CNBD1: variants seen among roughly 807,000 people sequenced by gnomAD.
The protein encoded by CNBD1 is cyclic nucleotide-binding domain-containing protein 1.
Under a neutral mutation model 54.4 loss-of-function variants are expected in CNBD1, and 71 were observed. That is an observed-to-expected ratio of 1.30 (90% CI 1.08 to 1.59). The LOEUF (loss-of-function observed/expected upper bound fraction) is 1.59. Ranked by LOEUF, CNBD1 falls within the 40% of genes most tolerant of loss-of-function variation. The pLI is 0.00. For missense variants in CNBD1, 659 were observed against 518.0 expected (o/e 1.27, Z -2.64); for synonymous variants, 182 against 170.7 (o/e 1.07, Z -0.51).
chr8:86,993,222 T>A (rs1204694996), intron 4 of CNBD1, among the ~76,000 whole-genome samples: 1 of 150,732 alleles, frequency 6.6e-6, no homozygotes, highest in Admixed American at 6.6e-5. Flanking sequence ...GCTCTCAGAT[T>A]TTTTTTTTTC....
At chr8:87,377,317 A>T (rs201187758) in intron 10 of CNBD1, among the ~76,000 whole-genome samples, 2 of 105,774 alleles carry the variant, frequency 1.9e-5, no homozygotes, top group South Asian at 6.5e-4. Context: ...CACACCCCAC[A>T]ACAGTCCCCA....
intron 8 of CNBD1, among the ~76,000 whole-genome samples, chr8:87,323,728 A>C (rs201614657): frequency 1.5e-5 from 2 of 131,674 alleles, no homozygotes; most frequent in Non-Finnish European, 3.4e-5. Context: ...TTTCTAGATA[A>C]ACAATCATGT....
rs182236831 is a variant in CNBD1, at chr8:87,401,892, C to T, written c.214-26654C>T. Among the ~76,000 whole-genome samples the T allele has an allele frequency of 3.2e-3, 485 of 152,108 alleles. 2 individuals carry two copies. Among genetic ancestry groups the T allele is most frequent in the African/African-American group, 0.011 (453 of 41,536 alleles). ...GGCCTGAATGATATAAGGGCCCTCT[C>T]TTCCTTGTGCACAATTGGCTTAGGA... On this transcript the variant is annotated intron_variant, in intron 2 of 7. Coordinates refer to the CNBD1 transcript ENST00000521593.
chr8:87,107,373 C>T (rs915739008), intron 4 of CNBD1, among the ~76,000 whole-genome samples: 20 of 152,170 alleles, frequency 1.3e-4, no homozygotes, highest in Non-Finnish European at 7.3e-5. Context: ...TTAGGAAGCA[C>T]ATTAATACTT....
chr8:87,013,777 A>G (rs973444123), intron 4 of CNBD1, among the ~76,000 whole-genome samples: 1 of 151,556 alleles, frequency 6.6e-6, no homozygotes, highest in African/African-American at 2.4e-5. Context: ...AAATTCTATA[A>G]TGTTATGTTT....
chr8:87,023,553 G>T (rs1809533474), intron 4 of CNBD1, among the ~76,000 whole-genome samples: 1 of 152,042 alleles, frequency 6.6e-6, no homozygotes, highest in Non-Finnish European at 1.5e-5. Context: ...TTCCTTATCT[G>T]TAGAGACCCT....
At chr8:87,098,646 T>C (rs1042783405) in intron 4 of CNBD1, among the ~76,000 whole-genome samples, 1 of 152,010 alleles carries the variant, frequency 6.6e-6, no homozygotes, top group African/African-American at 2.4e-5. Context: ...AGAAGCCACA[T>C]AGAGTTTGAT....
chr8:87,101,420 A>G (rs1017673596), intron 4 of CNBD1, among the ~76,000 whole-genome samples: 6 of 152,020 alleles, frequency 3.9e-5, no homozygotes, highest in African/African-American at 1.4e-4. Context: ...AAGAGCCAAT[A>G]TCTGAGGAGG....
At chr8:87,137,096 A>ATATTATATTTATATTC (rs1379211084) in intron 4 of CNBD1, among the ~76,000 whole-genome samples, 1 of 91,254 alleles carries the variant, frequency 1.1e-5, no homozygotes, top group African/African-American at 5.4e-5. Context: ...TATTTATATT[A>ATATTATATTTATATTC]TATGTAAATT....
At chr8:87,021,267 A>G (rs1809483028) in intron 4 of CNBD1, among the ~76,000 whole-genome samples, 1 of 151,646 alleles carries the variant, frequency 6.6e-6, no homozygotes. Context: ...TTCATCAATA[A>G]TGTTAAATAT....
intron 2 of CNBD1, among the ~76,000 whole-genome samples, chr8:87,391,743 A>G (rs933449158): frequency 2.8e-4 from 42 of 152,072 alleles, no homozygotes; most frequent in African/African-American, 1.0e-3. Context: ...CAACTCTTAG[A>G]AGAAAATTTA....
intron 4 of CNBD1, among the ~76,000 whole-genome samples, chr8:87,116,238 G>A (rs961215726): frequency 3.7e-5 from 4 of 109,406 alleles, no homozygotes; most frequent in South Asian, 2.9e-4. Context: ...GTCTTGCTTC[G>A]TCACCTAGGC....
At chr8:87,398,944 A>AT (rs1811454735) in intron 2 of CNBD1, among the ~76,000 whole-genome samples, 1 of 151,978 alleles carries the variant, frequency 6.6e-6, no homozygotes, top group Admixed American at 6.6e-5. Context: ...TTAGTGGGAT[A>AT]TTTTTTCTAC....
intron 8 of CNBD1, among the ~76,000 whole-genome samples, chr8:87,301,995 A>T (rs1274057679): frequency 6.6e-6 from 1 of 152,202 alleles, no homozygotes; most frequent in African/African-American, 2.4e-5. Context: ...GGCAGTAATT[A>T]ATAGCTTACC....
chr8:86,917,373 A>G (rs1041133219), intron 3 of CNBD1, among the ~76,000 whole-genome samples: 1 of 152,184 alleles, frequency 6.6e-6, no homozygotes, highest in Non-Finnish European at 1.5e-5. Flanking sequence ...GCTGTACAGG[A>G]AGACCTAAAT....
At chr8:86,935,286 T>C (rs1450660398) in intron 3 of CNBD1, among the ~76,000 whole-genome samples, 2 of 152,144 alleles carry the variant, frequency 1.3e-5, no homozygotes, top group East Asian at 3.9e-4. Flanking sequence ...TCCACCTGCC[T>C]GGTCCTCCCA....
At chr8:87,093,496 A>G (rs528923021) in intron 4 of CNBD1, among the ~76,000 whole-genome samples, 7 of 152,266 alleles carry the variant, frequency 4.6e-5, no homozygotes, top group African/African-American at 1.4e-4. Context: ...GAGGCCTTCA[A>G]CTGATTGGAT....
intron 4 of CNBD1, among the ~76,000 whole-genome samples, chr8:87,136,396 A>AACATCTCAATTAATGT (rs1812227310): frequency 6.7e-6 from 1 of 149,706 alleles, no homozygotes. Flanking sequence ...TGGAAGATAC[A>AACATCTCAATTAATGT]GGTAGATTTT....
Position 87,236,877 on chromosome 8 carries a change from C to G in CNBD1, c.578-42C>G, listed in dbSNP as rs376856009. On this transcript the variant is annotated intron_variant, in intron 5 of 10. Transcript: ENST00000518476. ...TATTAGTCATATCTATATCAAGGAG[C>G]CTGAGCACACAGTATATATTTTTTG... 5.0e-5 allele frequency: 62 copies of G among 1,251,430 alleles called. No homozygotes were observed. In the African/African-American group the frequency reaches 5.9e-4, roughly 12 times the overall value. 77.5% of individuals were successfully genotyped at this position (1,251,430 alleles called of 1,614,324 possible). A position where few individuals can be genotyped will look rare whatever the true frequency, so the allele number is the denominator to read the frequency against.
Sources: allele counts gnomAD v4.1 joint callset (sites outside exome capture counted in the v4.1 genomes callset), GRCh38; gene constraint gnomAD v4.1.1; transcripts MANE v1.5; gene names NCBI Gene and HGNC (gene_info 2026-07-23, HGNC 2026-07-21).